PPP2R2B: variants seen among roughly 807,000 people sequenced by gnomAD.
PPP2R2B encodes protein phosphatase 2 regulatory subunit Bbeta, also known as serine/threonine-protein phosphatase 2A 55 kDa regulatory subunit B beta isoform.
In PPP2R2B, 5 loss-of-function variants were observed where a neutral mutation model predicts 46.0. The ratio of observed to expected loss-of-function variants is 0.11; its 90% CI spans 0.06 to 0.23. PPP2R2B has a LOEUF of 0.23. Among genes scored for constraint, PPP2R2B ranks in the 10% least tolerant of loss-of-function variants. The pLI is 1.00. For missense variants in PPP2R2B, 367 were observed against 575.0 expected (o/e 0.64, Z 3.70); for synonymous variants, 215 against 206.7 (o/e 1.04, Z -0.34).
chr5:146,864,877 C>G lies in PPP2R2B; in HGVS notation c.70+13125G>C, dbSNP rs1761219221. On this transcript the variant is annotated intron_variant, in intron 2 of 9. Coordinates refer to ENST00000394411, the MANE Select transcript of PPP2R2B (RefSeq NM_181675.4). ...AATTTGTGACAATGTGAGGTGGAAG[C>G]AAAATATGGATAGAACAAAAGTGGA... Among the ~76,000 whole-genome samples the G allele has an allele frequency of 2.6e-5, 4 of 152,048 alleles. No individual in the cohort carries two copies. In the South Asian group the frequency reaches 8.3e-4, roughly 32 times the overall value.
intron 1 of PPP2R2B, among the ~76,000 whole-genome samples, chr5:146,997,214 T>A (rs1436761347): frequency 1.3e-5 from 2 of 152,174 alleles, no homozygotes; most frequent in Non-Finnish European, 2.9e-5. Context: ...TGGGGTTTCA[T>A]GGAGCAGCCA....
Position 147,066,371 on chromosome 5 carries a change from A to C in PPP2R2B, c.50+14688T>G, listed in dbSNP as rs532808363. Among the ~76,000 whole-genome samples, 4 of 152,322 alleles carry C rather than the reference A, an allele frequency of 2.6e-5. No individual in the cohort carries two copies. In the South Asian group the frequency reaches 8.3e-4, roughly 32 times the overall value. ...ATGTATTAGCTAATTTAATCCTCAC[A>C]AGAGCCCTGGATGTAGCTTCAATTA... is the stretch of plus-strand genomic sequence containing the variant. On this transcript the variant is annotated intron_variant, in intron 2 of 10. Coordinates refer to the PPP2R2B transcript ENST00000394413.
intron 1 of PPP2R2B, among the ~76,000 whole-genome samples, chr5:146,959,775 G>T (rs1170102991): frequency 6.6e-6 from 1 of 152,168 alleles, no homozygotes; most frequent in Non-Finnish European, 1.5e-5. Context: ...TTGTTATGCT[G>T]ATGATGGGTC....
At chr5:146,837,137 A>G (rs1310010572) in intron 2 of PPP2R2B, among the ~76,000 whole-genome samples, 1 of 152,242 alleles carries the variant, frequency 6.6e-6, no homozygotes, top group Non-Finnish European at 1.5e-5. Context: ...CAAAAGTGAT[A>G]CACATTCAGT....
intron 1 of PPP2R2B, among the ~76,000 whole-genome samples, chr5:146,983,748 A>T (rs1028707194): frequency 6.6e-6 from 1 of 152,116 alleles, no homozygotes; most frequent in Admixed American, 6.5e-5. Flanking sequence ...GAAAAAAGAA[A>T]ATCTGTTGTA....
At chr5:147,001,603 C>G (rs185332320) in intron 1 of PPP2R2B, among the ~76,000 whole-genome samples, 76 of 152,238 alleles carry the variant, frequency 5.0e-4, no homozygotes, top group Admixed American at 4.6e-4. Context: ...TCAGCGAGAC[C>G]AAGAACCCAC....
chr5:147,017,011 C>G (rs1221482428), intron 1 of PPP2R2B, among the ~76,000 whole-genome samples: 1 of 151,468 alleles, frequency 6.6e-6, no homozygotes, highest in Admixed American at 6.6e-5. Context: ...AGAACATGGT[C>G]AGATTTAAGT....
chr5:147,014,244 T>C (rs1364760751), intron 1 of PPP2R2B, among the ~76,000 whole-genome samples: 2 of 145,748 alleles, frequency 1.4e-5, no homozygotes, highest in Non-Finnish European at 3.0e-5. Flanking sequence ...AAACAGGTGC[T>C]GGAGAGGATG....
At position 146,626,839 on chromosome 5, in the gene PPP2R2B, A is replaced by G. The variant is rs563352487; in HGVS notation, c.790+11412T>C. On this transcript the variant is annotated intron_variant, in intron 7 of 9. Transcript: ENST00000394411. ...GGCAAGACCTGGGAAGGTGTTAACT[A>G]CTAATGAATAACACTCACTTCCAAA... 1.8e-3 allele frequency among the ~76,000 whole-genome samples: 275 copies of G among 152,314 alleles called. 2 individuals are homozygous for G. The highest frequency in any genetic ancestry group is 0.011 in the South Asian group (53 of 4,822).
intron 1 of PPP2R2B, among the ~76,000 whole-genome samples, chr5:146,904,827 G>C (rs576896015): frequency 6.6e-6 from 1 of 152,060 alleles, no homozygotes; most frequent in Non-Finnish European, 1.5e-5. Flanking sequence ...AACAGCAGCA[G>C]GTTAACATTA....
exon 1 of PPP2R2B, chr5:147,081,392 A>G: frequency 7.9e-7 from 1 of 1,267,422 alleles, no homozygotes; most frequent in Non-Finnish European, 1.1e-6. Flanking sequence ...AACTGGAGCA[A>G]TTGGAGTTTG....
At chr5:146,680,447 A>G (rs1465183321) in intron 5 of PPP2R2B, among the ~76,000 whole-genome samples, 10 of 151,568 alleles carry the variant, frequency 6.6e-5, no homozygotes, top group African/African-American at 2.4e-4. Flanking sequence ...CTAATGCTAG[A>G]TGACGAGTTA....
chr5:146,807,550 T>C (rs941466119), intron 2 of PPP2R2B, among the ~76,000 whole-genome samples: 6 of 152,136 alleles, frequency 3.9e-5, no homozygotes, highest in Non-Finnish European at 8.8e-5. Flanking sequence ...AGTACTTTCA[T>C]ATAGACCTCA....
chr5:146,829,763 A>AT (rs1229322552), intron 2 of PPP2R2B, among the ~76,000 whole-genome samples: 3 of 152,106 alleles, frequency 2.0e-5, no homozygotes, highest in Non-Finnish European at 4.4e-5. Context: ...ACAGACCTCC[A>AT]TTTTTTCACG....
At chr5:147,062,365 AC>A (rs1244278084) in intron 2 of PPP2R2B, among the ~76,000 whole-genome samples, 2 of 152,162 alleles carry the variant, frequency 1.3e-5, no homozygotes, top group Non-Finnish European at 2.9e-5. Flanking sequence ...AATAAGAGCA[AC>A]CACCAAATCT....
chr5:147,053,858 C>A (rs1480075697), intron 1 of PPP2R2B, among the ~76,000 whole-genome samples: 1 of 152,194 alleles, frequency 6.6e-6, no homozygotes, highest in African/African-American at 2.4e-5. Context: ...AGTGACCTGG[C>A]ACTGCTTTCT....
chr5:146,827,426 A>T (rs1170619803), intron 2 of PPP2R2B, among the ~76,000 whole-genome samples: 1 of 132,228 alleles, frequency 7.6e-6, no homozygotes, highest in Non-Finnish European at 1.6e-5. Context: ...GAGCACCCAG[A>T]ACACATCGGT....
intron 5 of PPP2R2B, among the ~76,000 whole-genome samples, chr5:146,680,120 C>T (rs1269559921): frequency 1.3e-5 from 2 of 151,548 alleles, no homozygotes; most frequent in South Asian, 2.1e-4. Flanking sequence ...GCATTATTCA[C>T]GATAGCAAAG....
chr5:146,647,967 A>C (rs1453924444), intron 6 of PPP2R2B, among the ~76,000 whole-genome samples: 1 of 152,120 alleles, frequency 6.6e-6, no homozygotes, highest in African/African-American at 2.4e-5. Context: ...AATATATCTC[A>C]TAATTGCCAC....
Sources: gnomAD v4.1 joint callset for allele counts (sites outside exome capture counted in the v4.1 genomes callset) on GRCh38, gnomAD v4.1.1 for gene constraint, MANE v1.5 for transcripts, NCBI Gene and HGNC (gene_info 2026-07-23, HGNC 2026-07-21) for gene names.